Variants in TRO observed in about 807,000 individuals in gnomAD.
The protein encoded by TRO is trophinin.
A neutral mutation model predicts 42.3 loss-of-function variants in TRO; 29 were observed. That is an observed-to-expected ratio of 0.68 (90% CI 0.51 to 0.93). TRO has a LOEUF of 0.93. Among genes scored for constraint, TRO ranks in the 40% least tolerant of loss-of-function variants. TRO has a pLI of 0.00. For synonymous variants in TRO, 384 were observed against 425.2 expected, an observed-to-expected ratio of 0.90 and a Z score of 1.19; for missense variants, 963 against 1,127.7, an observed-to-expected ratio of 0.85 and a Z score of 2.09.
chrX:54,924,459 T>C lies in TRO; in HGVS notation c.1245T>C (p.His415=), dbSNP rs1932507990. The change falls in exon 4 of 13, where the codon CAT becomes CAC. Residue 415 remains histidine, a synonymous_variant. Transcript: ENST00000173898. The part of the protein sequence containing the change: ...TRGKRNRKSK[H]LNGDERSGSN... ...TCTTTCTGATGATGAAGTCCAAGCATCTGAATGGGGATGAGAGAAGTGGCA... is the reference window on the plus strand; with the variant it reads ...TCTTTCTGATGATGAAGTCCAAGCACCTGAATGGGGATGAGAGAAGTGGCA... 8.3e-7 allele frequency: 1 copy of C among 1,204,433 alleles called. No individual in the cohort carries two copies. Among genetic ancestry groups the C allele is most frequent in the Non-Finnish European group, 1.1e-6 (1 of 892,216 alleles).
chrX:54,921,504 A>T, intron 1 of TRO: 1 of 109,196 alleles, frequency 9.2e-6, no homozygotes, highest in Non-Finnish European at 1.9e-5. Flanking sequence ...GCGGAGCTGC[A>T]CACTTGCAGA....
At chrX:54,926,781 A>G in intron 9 of TRO, 156 bp downstream of exon 9, 1 of 836,317 alleles carries the variant, frequency 1.2e-6, no homozygotes, top group Non-Finnish European at 1.7e-6. Context: ...TGACGGGCAA[A>G]TGGTCCTGAA....
In TRO at chrX:54,930,916, G is replaced by A. The variant is rs188215780; in HGVS notation, c.4192G>A (p.Gly1398Ser). ...GGPSTGAGFG[G>S]GPNTGAGFGG... ...ACCGAGCACAGGAGCTGGCTTCGGC[G>A]GTGGACCAAACACTGGTGCTGGCTT... The change falls in exon 12 of 13, where the codon GGT becomes AGT. Residue 1398 changes from glycine (G) to serine (S), a missense_variant. Transcript: ENST00000173898. 236 of 1,208,678 alleles carry A rather than the reference G, an allele frequency of 2.0e-4. No homozygotes were observed. The highest frequency in any genetic ancestry group is 2.4e-4 in the Non-Finnish European group (214 of 894,663).
intron 1 of TRO, 134 bp downstream of exon 1, chrX:54,921,012 T>TTTGGGACCTAAC (rs1931968346): frequency 9.0e-6 from 1 of 111,035 alleles, no homozygotes; most frequent in Non-Finnish European, 1.9e-5. Flanking sequence ...CGCATCAAAG[T>TTTGGGACCTAAC]CGCCTTTAGC....
At position 54,923,073 on chromosome X, in the gene TRO, A is replaced by G; in HGVS notation, c.541A>G (p.Asn181Asp). 8.3e-7 allele frequency: 1 copy of G among 1,211,994 alleles called. No homozygotes were observed. Among genetic ancestry groups the G allele is most frequent in the Non-Finnish European group, 1.1e-6 (1 of 895,589 alleles). ...QVLKLPVISQ[N>D]IHAPIANESA... The stretch of plus-strand genomic sequence containing the variant: ...CCTAAAGCTACCAGTCATCTCACAG[A>G]ATATTCACGCTCCAATTGCCAATGA... The change falls in exon 3 of 13, where the codon AAT becomes GAT. Residue 181 changes from asparagine (N) to aspartate (D), a missense_variant. Coordinates refer to ENST00000173898, the MANE Select transcript of TRO (RefSeq NM_001039705.3).
At position 54,923,531 on chromosome X, in the gene TRO, C is replaced by T. The variant is rs748510025; in HGVS notation, c.999C>T (p.Ala333=). The change falls in exon 3 of 13, where the codon GCC becomes GCT. Residue 333 remains alanine, a synonymous_variant. Coordinates refer to ENST00000173898, the MANE Select transcript of TRO (RefSeq NM_001039705.3). The stretch of plus-strand genomic sequence containing the variant: ...TAGTCACAAACCAAGCCCTGGCAGC[C>T]ACCCTGCGGGTCAAGAGAGGGTCTA... The part of the protein sequence containing the change: ...TQIVTNQALA[A]TLRVKRGSRA... 29 of 1,186,857 alleles carry T rather than the reference C, an allele frequency of 2.4e-5. No homozygotes were observed. Among genetic ancestry groups the T allele is most frequent in the Non-Finnish European group, 2.9e-5 (26 of 882,388 alleles).
intron 11 of TRO, 23 bp downstream of exon 11, chrX:54,927,804 T>A: frequency 8.5e-7 from 1 of 1,181,862 alleles, no homozygotes; most frequent in African/African-American, 1.7e-5. Context: ...CTGCCCGAGC[T>A]TGGCATATTA....
At chrX:54,924,220 T>G (rs1226307260) in intron 3 of TRO, among the ~76,000 whole-genome samples, 2 of 112,104 alleles carry the variant, frequency 1.8e-5, no homozygotes, top group African/African-American at 6.5e-5. Context: ...CTTAGGCTCT[T>G]ATCTTGAGTT....
intron 9 of TRO, 21 bp downstream of exon 9, chrX:54,926,646 C>T (rs963271023): frequency 3.3e-6 from 4 of 1,210,794 alleles, no homozygotes; most frequent in East Asian, 3.0e-5. Flanking sequence ...GCTCTCTCAG[C>T]GCTTGCTGTC....
At chrX:54,928,437 C>T (rs1314366516) in intron 11 of TRO, among the ~76,000 whole-genome samples, 166 bp from the exon 12 acceptor site, 18 of 112,334 alleles carry the variant, frequency 1.6e-4, no homozygotes, top group African/African-American at 5.8e-4. Context: ...GGTCATATAG[C>T]ACGTAAGTCA....
chrX:54,927,433 T>C (rs546056680), intron 10 of TRO: 1 of 457,577 alleles, frequency 2.2e-6, no homozygotes, highest in South Asian at 3.3e-5. Context: ...GCCCTATACA[T>C]GTCTCCCCTG....
Position 54,929,036 on chromosome X carries a change from A to G in TRO, c.2312A>G (p.Asn771Ser), listed in dbSNP as rs1481551492. 5 of 1,210,784 alleles carry G rather than the reference A, an allele frequency of 4.1e-6. No individual in the cohort carries two copies. Among genetic ancestry groups the G allele is most frequent in the South Asian group, 3.5e-5 (2 of 56,840 alleles). Residue 771 changes from asparagine to serine, a missense_variant, in exon 12 of 13, where the codon AAT becomes AGT. Physicochemically the swap from Asn to Ser is conservative, Grantham distance 46. Transcript: ENST00000173898. ...VAPSTSASFS[N>S]TASISFGGTL... ...CCCAGCACCAGTGCCAGCTTCAGCA[A>G]TACAGCCAGCATTAGCTTTGGTGGT...
At chrX:54,921,675 C>G (rs923869118) in intron 1 of TRO, among the ~76,000 whole-genome samples, 1 of 87,488 alleles carries the variant, frequency 1.1e-5, no homozygotes, top group Non-Finnish European at 2.2e-5. Context: ...GTGGCAGTAC[C>G]GCAGAGGAGA....
intron 1 of TRO, 34 bp from the exon 2 acceptor site, chrX:54,922,169 T>C: frequency 9.3e-7 from 1 of 1,075,968 alleles, no homozygotes. Flanking sequence ...AGATGTCTGA[T>C]GAATCTCCCC....
intron 7 of TRO, 67 bp from the exon 8 acceptor site, chrX:54,926,343 T>G (rs1453323067): frequency 1.8e-6 from 2 of 1,094,711 alleles, no homozygotes; most frequent in Non-Finnish European, 2.5e-6. Context: ...GGATGGCTGC[T>G]GAAACATAAA....
intron 11 of TRO, among the ~76,000 whole-genome samples, chrX:54,927,983 A>G (rs1416022493): frequency 1.8e-5 from 2 of 112,905 alleles, no homozygotes; most frequent in East Asian, 5.5e-4. Flanking sequence ...ATTAATCAGC[A>G]TGGGCTGCCA....
At chrX:54,921,525 G>A (rs922325231) in intron 1 of TRO, 3 of 109,400 alleles carry the variant, frequency 2.7e-5, no homozygotes, top group African/African-American at 1.0e-4. Flanking sequence ...CGTGGAAAGA[G>A]GGGGGAGTGG....
chrX:54,926,944 C>T, intron 9 of TRO, 99 bp from the exon 10 acceptor site: 2 of 968,534 alleles, frequency 2.1e-6, no homozygotes, highest in African/African-American at 1.9e-5. Context: ...ATTGAGACTG[C>T]CCCATGTGCT....
intron 2 of TRO, 138 bp downstream of exon 2, chrX:54,922,429 G>A: frequency 1.1e-6 from 1 of 924,230 alleles, no homozygotes; most frequent in Non-Finnish European, 1.5e-6. Context: ...GTGAAGGAGA[G>A]GAGAGGAAAA....
Sources: gnomAD v4.1 joint callset for allele counts (sites outside exome capture counted in the v4.1 genomes callset) on GRCh38, gnomAD v4.1.1 for gene constraint, MANE v1.5 for transcripts, NCBI Gene and HGNC (gene_info 2026-07-23, HGNC 2026-07-21) for gene names.